TMEM163: variants seen among roughly 807,000 people sequenced by gnomAD.
TMEM163 encodes transmembrane protein 163.
TMEM163 carries 17 observed loss-of-function variants against 29.3 expected under a neutral mutation model. The ratio of observed to expected loss-of-function variants is 0.58; its 90% CI spans 0.40 to 0.87. The LOEUF (loss-of-function observed/expected upper bound fraction) is 0.87. Ranked by LOEUF, TMEM163 falls within the 40% of genes least tolerant of loss-of-function variation. TMEM163 has a pLI of 0.00. For synonymous variants in TMEM163, 157 were observed against 160.6 expected, an observed-to-expected ratio of 0.98 and a Z score of 0.17; for missense variants, 303 against 381.5, an observed-to-expected ratio of 0.79 and a Z score of 1.71.
intron 2 of TMEM163, among the ~76,000 whole-genome samples, chr2:134,706,651 A>G (rs1684818336): frequency 1.3e-5 from 2 of 152,176 alleles, no homozygotes; most frequent in East Asian, 3.9e-4. Context: ...GAGGTCAGAA[A>G]CCAAAGGCAT....
intron 4 of TMEM163, among the ~76,000 whole-genome samples, chr2:134,547,189 G>A (rs1210699182): frequency 6.6e-6 from 1 of 152,140 alleles, no homozygotes; most frequent in African/African-American, 2.4e-5. Context: ...TTTATGTTAT[G>A]CGTTTTAACA....
At chr2:134,706,200 C>A (rs1574354207) in intron 2 of TMEM163, among the ~76,000 whole-genome samples, 1 of 152,278 alleles carries the variant, frequency 6.6e-6, no homozygotes, top group African/African-American at 2.4e-5. Flanking sequence ...TAGGGGGATG[C>A]TGGGCAGTGC....
At chr2:134,693,886 G>C (rs1421009139) in intron 2 of TMEM163, among the ~76,000 whole-genome samples, 1 of 152,152 alleles carries the variant, frequency 6.6e-6, no homozygotes, top group South Asian at 2.1e-4. Context: ...TCAGTCTTTG[G>C]AAGAGGTGAC....
intron 2 of TMEM163, among the ~76,000 whole-genome samples, chr2:134,624,041 C>T (rs1450843093): frequency 6.6e-6 from 1 of 152,112 alleles, no homozygotes; most frequent in Non-Finnish European, 1.5e-5. Flanking sequence ...ACTATCCAGA[C>T]GTTAAAATAA....
rs905470356 is a variant in TMEM163, at chr2:134,587,388, G to A, written c.323-35297C>T. On this transcript the variant is annotated intron_variant, in intron 2 of 7. Coordinates refer to ENST00000281924, the MANE Select transcript of TMEM163 (RefSeq NM_030923.5). ...AATACGCCATTGCACTCCAGCCTGG[G>A]TGACAGAGCGGGACTCTGTCAAAAC... 2.6e-5 allele frequency among the ~76,000 whole-genome samples: 4 copies of A among 152,208 alleles called. No individual in the cohort carries two copies. The South Asian group carries it at 6.2e-4, about 24-fold the overall frequency.
intron 2 of TMEM163, among the ~76,000 whole-genome samples, chr2:134,708,869 G>A (rs949825914): frequency 6.6e-6 from 1 of 152,100 alleles, no homozygotes; most frequent in African/African-American, 2.4e-5. Context: ...TTACAAGCAT[G>A]AGCCATCGCT....
intron 5 of TMEM163, among the ~76,000 whole-genome samples, chr2:134,490,669 G>T (rs934294127): frequency 1.3e-5 from 2 of 152,070 alleles, no homozygotes; most frequent in Non-Finnish European, 2.9e-5. Context: ...AACAACTTTG[G>T]TAACAAATAC....
At chr2:134,628,567 T>C (rs562737339) in intron 2 of TMEM163, among the ~76,000 whole-genome samples, 2 of 152,354 alleles carry the variant, frequency 1.3e-5, no homozygotes, top group South Asian at 4.1e-4. Context: ...ACTCTCTGCC[T>C]ACATAACTGA....
At chr2:134,606,045 G>T (rs924671290) in intron 2 of TMEM163, among the ~76,000 whole-genome samples, 1 of 152,152 alleles carries the variant, frequency 6.6e-6, no homozygotes, top group Non-Finnish European at 1.5e-5. Flanking sequence ...GCAGTGGCAG[G>T]TTGTTTGTGT....
In TMEM163 at chr2:134,537,208, T is replaced by C. The variant is rs535594211; in HGVS notation, c.458+13362A>G. 5.9e-5 allele frequency among the ~76,000 whole-genome samples: 9 copies of C among 152,306 alleles called. No homozygotes were observed. In the East Asian group the frequency reaches 1.7e-3, roughly 29 times the overall value. On this transcript the variant is annotated intron_variant, in intron 4 of 7. Coordinates refer to ENST00000281924, the MANE Select transcript of TMEM163 (RefSeq NM_030923.5). ...TGCTTATCCCAAGGCCCAGGATCCC[T>C]ATGTGGGTCTACCTGCGGGAGAAAA...
intron 2 of TMEM163, among the ~76,000 whole-genome samples, chr2:134,602,619 A>G (rs1234664401): frequency 6.6e-6 from 1 of 152,216 alleles, no homozygotes; most frequent in Non-Finnish European, 1.5e-5. Context: ...AGTGGAAAGA[A>G]CCAGCATCAC....
At chr2:134,472,972 T>C (rs2106476846) in intron 5 of TMEM163, among the ~76,000 whole-genome samples, 1 of 152,280 alleles carries the variant, frequency 6.6e-6, no homozygotes, top group South Asian at 2.1e-4. Context: ...AACAACCCAC[T>C]TCTTAAAAAC....
At chr2:134,495,287 A>G (rs1679525332) in intron 5 of TMEM163, among the ~76,000 whole-genome samples, 1 of 152,222 alleles carries the variant, frequency 6.6e-6, no homozygotes, top group Non-Finnish European at 1.5e-5. Flanking sequence ...GGGAGCTCAC[A>G]GAGTTAAGGT....
At chr2:134,683,475 G>A (rs1267575818) in intron 2 of TMEM163, among the ~76,000 whole-genome samples, 1 of 151,192 alleles carries the variant, frequency 6.6e-6, no homozygotes, top group Non-Finnish European at 1.5e-5. Context: ...AAACTCATTT[G>A]TGAAGCCATA....
intron 2 of TMEM163, among the ~76,000 whole-genome samples, chr2:134,655,584 C>G (rs1486720258): frequency 7.1e-6 from 1 of 141,748 alleles, no homozygotes; most frequent in Non-Finnish European, 1.5e-5. Flanking sequence ...TGTTCCGTTG[C>G]TGGTGAGGAA....
chr2:134,475,227 ATTTAGT>A (rs1475973576), intron 5 of TMEM163, among the ~76,000 whole-genome samples: 1 of 152,170 alleles, frequency 6.6e-6, no homozygotes, highest in Non-Finnish European at 1.5e-5. Flanking sequence ...AGATATAGTC[ATTTAGT>A]TTTAGACAAA....
At chr2:134,713,376 C>G in intron 1 of TMEM163, 57 bp from the exon 2 acceptor site, 1 of 1,605,370 alleles carries the variant, frequency 6.2e-7, no homozygotes, top group Non-Finnish European at 8.5e-7. Flanking sequence ...AAACCCACAG[C>G]GAGAGCTACA....
intron 2 of TMEM163, among the ~76,000 whole-genome samples, chr2:134,657,814 A>C (rs1221637406): frequency 6.6e-6 from 1 of 152,056 alleles, no homozygotes; most frequent in Non-Finnish European, 1.5e-5. Context: ...AAAAATAAAA[A>C]ATAAAAAAGA....
rs1389787778 is a variant in TMEM163 at position 134,652,112 on chromosome 2, T to C, written c.322+61088A>G. Among the ~76,000 whole-genome samples the C allele has an allele frequency of 7.2e-5, 10 of 139,400 alleles. 3 individuals carry two copies. The highest frequency in any genetic ancestry group is 3.4e-3 in the Middle Eastern group (1 of 290). The allele number at this position is 139,400 out of a possible 152,430, so 91.5% of individuals were successfully genotyped here. On this transcript the variant is annotated intron_variant, in intron 2 of 7. Transcript: ENST00000281924. ...CATTGGTAGCTTTATGGGAATGGCA[T>C]TGAATCTGTAAATTACCTTGGGCAG...
Sources: gnomAD v4.1 joint callset for allele counts (sites outside exome capture counted in the v4.1 genomes callset) on GRCh38, gnomAD v4.1.1 for gene constraint, MANE v1.5 for transcripts, NCBI Gene and HGNC (gene_info 2026-07-23, HGNC 2026-07-21) for gene names.